Variants in TMEM108 observed in about 807,000 individuals in gnomAD.
TMEM108 encodes transmembrane protein 108.
Under a neutral mutation model 35.1 loss-of-function variants are expected in TMEM108, and 12 were observed. The ratio of observed to expected loss-of-function variants is 0.34; its 90% confidence interval spans 0.22 to 0.55. TMEM108 has a LOEUF of 0.55. Ranked by LOEUF, TMEM108 falls within the 20% of genes least tolerant of loss-of-function variation. TMEM108 has a pLI of 0.89. For missense variants in TMEM108, 680 were observed against 753.3 expected (o/e 0.90, Z 1.14); for synonymous variants, 287 against 308.6 (o/e 0.93, Z 0.73).
At chr3:133,122,538 T>A (rs959091704) in intron 2 of TMEM108, among the ~76,000 whole-genome samples, 2 of 152,168 alleles carry the variant, frequency 1.3e-5, no homozygotes, top group African/African-American at 4.8e-5. Context: ...AACATGTTTT[T>A]AAAATATGAG....
intron 2 of TMEM108, among the ~76,000 whole-genome samples, chr3:133,118,421 A>G (rs907129597): frequency 2.6e-5 from 4 of 152,222 alleles, no homozygotes; most frequent in African/African-American, 9.6e-5. Flanking sequence ...TCCAAGAAGA[A>G]GGGAAAGATA....
chr3:133,207,953 A>G (rs1395097499), intron 2 of TMEM108, among the ~76,000 whole-genome samples: 1 of 152,224 alleles, frequency 6.6e-6, no homozygotes, highest in East Asian at 1.9e-4. Context: ...ATAGCATGTT[A>G]CAATTGAAAG....
intron 2 of TMEM108, among the ~76,000 whole-genome samples, chr3:133,086,237 C>T (rs1176943225): frequency 2.0e-5 from 3 of 152,158 alleles, no homozygotes; most frequent in African/African-American, 7.2e-5. Context: ...TTATTCGTTT[C>T]AGTGCCAGAT....
chr3:133,263,064 T>C (rs1307088314), intron 3 of TMEM108, among the ~76,000 whole-genome samples: 4 of 152,216 alleles, frequency 2.6e-5, no homozygotes, highest in African/African-American at 9.6e-5. Flanking sequence ...AACCAATTGC[T>C]ATGTTCCCTT....
intron 1 of TMEM108, among the ~76,000 whole-genome samples, chr3:133,039,352 T>C (rs1943246258): frequency 6.6e-6 from 1 of 152,100 alleles, no homozygotes; most frequent in Admixed American, 6.5e-5. Context: ...TGTTACTGGG[T>C]TGTGGGGAGA....
chr3:133,380,000 A>G lies in TMEM108; in HGVS notation c.289A>G (p.Ile97Val), dbSNP rs2072955867. Residue 97 changes from isoleucine to valine, a missense_variant, in exon 4 of 6, where the codon ATC becomes GTC. Coordinates refer to ENST00000321871, the MANE Select transcript of TMEM108 (RefSeq NM_023943.4). Reference protein sequence around the residue: ...RAEGHPPTHTISTIAATVTAP... With the variant: ...RAEGHPPTHTVSTIAATVTAP... ...AGAGGGGCACCCTCCTACGCACACCATCTCCACCATCGCTGCGACAGTAAC... is the reference window on the plus strand; with the variant it reads ...AGAGGGGCACCCTCCTACGCACACCGTCTCCACCATCGCTGCGACAGTAAC... 1 of 1,613,000 alleles carries G rather than the reference A, an allele frequency of 6.2e-7. No individual in the cohort carries two copies. The highest frequency in any genetic ancestry group is 8.5e-7 in the Non-Finnish European group (1 of 1,179,702).
At chr3:133,319,455 C>G (rs780997863) in intron 3 of TMEM108, among the ~76,000 whole-genome samples, 4 of 152,176 alleles carry the variant, frequency 2.6e-5, no homozygotes, top group Non-Finnish European at 4.4e-5. Flanking sequence ...CATGACAGAA[C>G]AACCCTGCTG....
chr3:133,081,480 G>A (rs1487984303), intron 2 of TMEM108, among the ~76,000 whole-genome samples: 2 of 152,070 alleles, frequency 1.3e-5, no homozygotes, highest in Admixed American at 1.3e-4. Flanking sequence ...ATCACATTAG[G>A]GCTTCAACAT....
At chr3:133,147,511 C>T (rs1944738769) in intron 2 of TMEM108, among the ~76,000 whole-genome samples, 2 of 152,120 alleles carry the variant, frequency 1.3e-5, no homozygotes, top group Non-Finnish European at 2.9e-5. Context: ...TGTCCATATA[C>T]TTGTTGGCCA....
intron 3 of TMEM108, among the ~76,000 whole-genome samples, chr3:133,372,890 C>T (rs1270344817): frequency 6.6e-6 from 1 of 152,212 alleles, no homozygotes; most frequent in African/African-American, 2.4e-5. Context: ...AGTGAAGTCA[C>T]AGGCATGGAT....
intron 2 of TMEM108, among the ~76,000 whole-genome samples, chr3:133,094,316 A>G (rs1335544213): frequency 6.8e-6 from 1 of 147,932 alleles, no homozygotes; most frequent in Non-Finnish European, 1.5e-5. Flanking sequence ...CATTCATTTC[A>G]GGGCTACTCA....
chr3:133,204,088 G>A (rs1354142265), intron 2 of TMEM108, among the ~76,000 whole-genome samples: 1 of 152,102 alleles, frequency 6.6e-6, no homozygotes, highest in Non-Finnish European at 1.5e-5. Context: ...GTGTAGAGGT[G>A]TTTATAGTAT....
intron 3 of TMEM108, among the ~76,000 whole-genome samples, chr3:133,318,107 A>G (rs760234908): frequency 2.6e-5 from 4 of 152,218 alleles, no homozygotes; most frequent in Non-Finnish European, 5.9e-5. Flanking sequence ...TACAGTTCAG[A>G]TTGCTGGTGG....
chr3:133,067,674 C>T (rs769792413), intron 2 of TMEM108, among the ~76,000 whole-genome samples: 4 of 152,154 alleles, frequency 2.6e-5, no homozygotes, highest in Non-Finnish European at 5.9e-5. Context: ...CTCTCAGAGA[C>T]TTTTGTCTAG....
chr3:133,176,138 T>A (rs960775834), intron 2 of TMEM108, among the ~76,000 whole-genome samples: 1 of 152,210 alleles, frequency 6.6e-6, no homozygotes. Context: ...TAAATACATA[T>A]GCACCCAATA....
intron 3 of TMEM108, among the ~76,000 whole-genome samples, chr3:133,377,513 G>A (rs2072877709): frequency 6.6e-6 from 1 of 152,218 alleles, no homozygotes; most frequent in African/African-American, 2.4e-5. Flanking sequence ...GACAACCCTT[G>A]TTTCACATAC....
intron 3 of TMEM108, among the ~76,000 whole-genome samples, chr3:133,365,791 A>G (rs2072486599): frequency 6.6e-6 from 1 of 152,126 alleles, no homozygotes; most frequent in South Asian, 2.1e-4. Context: ...CCAGACCAAA[A>G]TGGAACAGCC....
At chr3:133,055,102 G>A (rs989862202) in intron 2 of TMEM108, among the ~76,000 whole-genome samples, 1 of 152,182 alleles carries the variant, frequency 6.6e-6, no homozygotes, top group Non-Finnish European at 1.5e-5. Flanking sequence ...CAGACTCTGT[G>A]AAGATCCCCA....
intron 1 of TMEM108, among the ~76,000 whole-genome samples, chr3:133,043,605 T>A (rs1388458057): frequency 6.6e-6 from 1 of 152,154 alleles, no homozygotes; most frequent in African/African-American, 2.4e-5. Flanking sequence ...ACATGCATAC[T>A]AAGAGGCTCC....
Sources: allele counts gnomAD v4.1 joint callset (sites outside exome capture counted in the v4.1 genomes callset), GRCh38; gene constraint gnomAD v4.1.1; transcripts MANE v1.5; gene names NCBI Gene and HGNC (gene_info 2026-07-23, HGNC 2026-07-21).